Variants in KAT7 observed in about 807,000 individuals in gnomAD.
KAT7 encodes the protein lysine acetyltransferase 7.
A neutral mutation model predicts 82.1 loss-of-function variants in KAT7; 10 were observed. That is an observed-to-expected ratio of 0.12 (90% CI 0.08 to 0.21). KAT7 has a LOEUF of 0.21. Among genes scored for constraint, KAT7 ranks in the 10% least tolerant of loss-of-function variants. The probability of loss-of-function intolerance (pLI) is 1.00; values close to 1 mark genes in which losing one functional copy is unlikely to be tolerated. For synonymous variants in KAT7, 250 were observed against 262.5 expected, an observed-to-expected ratio of 0.95 and a Z score of 0.46; for missense variants, 378 against 760.9, an observed-to-expected ratio of 0.50 and a Z score of 5.92.
chr17:49,823,163 A>G, intron 11 of KAT7, 39 bp from the exon 12 acceptor site: 1 of 1,181,348 alleles, frequency 8.5e-7, no homozygotes, highest in Non-Finnish European at 1.3e-6. Context: ...TTGGTTTCAA[A>G]TCCTCATGAC....
intron 4 of KAT7, 41 bp downstream of exon 4, chr17:49,798,599 T>G: frequency 1.3e-6 from 2 of 1,556,528 alleles, no homozygotes; most frequent in Non-Finnish European, 1.7e-6. Flanking sequence ...TGTTCTGTGG[T>G]TCTCTCTCCC....
intron 1 of KAT7, among the ~76,000 whole-genome samples, chr17:49,791,251 C>T (rs184525023): frequency 4.6e-5 from 7 of 152,346 alleles, no homozygotes; most frequent in Admixed American, 3.3e-4. Context: ...AAAAGCTACT[C>T]TAAGTTAAAT....
chr17:49,796,448 C>T (rs951839594), intron 2 of KAT7, among the ~76,000 whole-genome samples: 2 of 152,168 alleles, frequency 1.3e-5, no homozygotes, highest in African/African-American at 4.8e-5. Flanking sequence ...GGTCAGGAAA[C>T]AGGCTTGGAG....
At chr17:49,814,656 G>A (rs567151561) in intron 7 of KAT7, among the ~76,000 whole-genome samples, 1 of 151,716 alleles carries the variant, frequency 6.6e-6, no homozygotes, top group East Asian at 1.9e-4. Flanking sequence ...AGTAATTTGG[G>A]ATAGGTTATT....
intron 5 of KAT7, among the ~76,000 whole-genome samples, chr17:49,805,734 T>G (rs2074083534): frequency 6.6e-6 from 1 of 152,262 alleles, no homozygotes; most frequent in Non-Finnish European, 1.5e-5. Flanking sequence ...AAAATTGGCT[T>G]CGAAGACTGC....
chr17:49,817,763 T>C, intron 8 of KAT7, 57 bp from the exon 9 acceptor site: 1 of 1,470,174 alleles, frequency 6.8e-7, no homozygotes, highest in Non-Finnish European at 9.4e-7. Flanking sequence ...GTGCCCTGTC[T>C]AAAAGCAAAG....
At chr17:49,797,341 G>A (rs930133716) in intron 3 of KAT7, among the ~76,000 whole-genome samples, 1 of 152,160 alleles carries the variant, frequency 6.6e-6, no homozygotes, top group Admixed American at 6.5e-5. Flanking sequence ...GGGATTACAG[G>A]TATAAGCCAC....
rs537711587 is a variant in KAT7 at position 49,813,336 on chromosome 17, C to T, written c.852+1762C>T. Among the ~76,000 whole-genome samples the T allele has an allele frequency of 6.2e-4, 95 of 152,140 alleles. 1 individual carries two copies. In the South Asian group the frequency reaches 0.017, roughly 28 times the overall value. ...TAATGGCCTCCAGTTGCATCCATGTCGCTGCAAAGGACATGATTTCATTCT... is the reference window on the plus strand; with the variant it reads ...TAATGGCCTCCAGTTGCATCCATGTTGCTGCAAAGGACATGATTTCATTCT... On this transcript the variant is annotated intron_variant, in intron 7 of 14. Transcript: ENST00000259021.
chr17:49,802,572 A>G (rs947533576), intron 4 of KAT7, among the ~76,000 whole-genome samples: 3 of 151,880 alleles, frequency 2.0e-5, no homozygotes, highest in African/African-American at 7.3e-5. Context: ...AGGCTGAGGC[A>G]GGAGAATTGC....
Position 49,805,459 on chromosome 17 carries a change from C to A in KAT7, c.663+14C>A. The A allele has an allele frequency of 6.3e-7, 1 of 1,586,854 alleles. No homozygotes were observed. The highest frequency in any genetic ancestry group is 8.7e-7 in the Non-Finnish European group (1 of 1,155,632). On this transcript the variant is annotated intron_variant, in intron 5 of 14. Coordinates refer to ENST00000259021, the MANE Select transcript of KAT7 (RefSeq NM_007067.5). ...GACGAATGCAAGGTAATTGTGCTCT[C>A]ATTTATTCAACACATGCTTATTGAG... is the stretch of plus-strand genomic sequence containing the variant.
At chr17:49,813,576 C>T (rs1026598211) in intron 7 of KAT7, among the ~76,000 whole-genome samples, 1 of 152,060 alleles carries the variant, frequency 6.6e-6, no homozygotes, top group Non-Finnish European at 1.5e-5. Flanking sequence ...CAACCAACCA[C>T]GGATCGGAAA....
intron 11 of KAT7, 111 bp from the exon 12 acceptor site, chr17:49,823,091 G>A: frequency 1.5e-6 from 1 of 672,424 alleles, no homozygotes; most frequent in East Asian, 2.6e-5. Flanking sequence ...CACTCCTTGG[G>A]ACTGGTTAGC....
At chr17:49,809,283 A>G in intron 6 of KAT7, 75 bp downstream of exon 6, 1 of 1,064,132 alleles carries the variant, frequency 9.4e-7, no homozygotes. Flanking sequence ...AATTGTCTTC[A>G]GGCATGTCTG....
intron 7 of KAT7, among the ~76,000 whole-genome samples, chr17:49,812,350 G>A (rs1033635306): frequency 4.9e-5 from 7 of 143,784 alleles, no homozygotes; most frequent in Admixed American, 2.2e-4. Flanking sequence ...TCAGCCTCCC[G>A]AGTAGCTAGG....
At position 49,827,486 on chromosome 17, in the gene KAT7, C is replaced by T. The variant is rs1212796838; in HGVS notation, c.1820C>T (p.Pro607Leu). ...TMDPSCLKWTPPKGT is the reference protein window; with the variant it reads ...TMDPSCLKWTLPKGT ...GATCCCAGCTGCTTAAAATGGACCC[C>T]TCCCAAGGGCACTTAAAGTGACCTG... is the stretch of plus-strand genomic sequence containing the variant. The change falls in exon 15 of 15, where the codon CCT (proline) becomes CTT (leucine). Residue 607 changes from proline (P) to leucine (L), a missense_variant. Physicochemically the swap from Pro to Leu is moderately conservative, Grantham distance 98. This residue lies in a region of KAT7 where 44 missense variants were observed against 102.2 expected (regional missense o/e 0.43). Transcript: ENST00000259021. 6.2e-7 allele frequency: 1 copy of T among 1,610,534 alleles called. No individual in the cohort carries two copies. Among genetic ancestry groups the T allele is most frequent in the Non-Finnish European group, 8.5e-7 (1 of 1,176,902 alleles).
chr17:49,794,133 C>G (rs1340626659), intron 2 of KAT7, among the ~76,000 whole-genome samples: 1 of 152,030 alleles, frequency 6.6e-6, no homozygotes, highest in African/African-American at 2.4e-5. Flanking sequence ...AGTTCCTGTC[C>G]TCAAAGATCT....
intron 2 of KAT7, among the ~76,000 whole-genome samples, chr17:49,796,151 C>T (rs1019509063): frequency 2.6e-5 from 4 of 152,098 alleles, no homozygotes; most frequent in African/African-American, 9.7e-5. Context: ...ATGCTGCATT[C>T]CTGCTTTACC....
intron 9 of KAT7, 48 bp from the exon 10 acceptor site, chr17:49,821,289 C>T: frequency 7.1e-7 from 1 of 1,415,068 alleles, no homozygotes; most frequent in South Asian, 1.2e-5. Flanking sequence ...GAGGAGCAGT[C>T]TTGTTGGGAG....
chr17:49,812,987 C>T (rs1434665134), intron 7 of KAT7, among the ~76,000 whole-genome samples: 3 of 150,704 alleles, frequency 2.0e-5, no homozygotes, highest in Admixed American at 1.3e-4. Flanking sequence ...AGGCATGAGC[C>T]ACTGCACCCA....
Sources: allele counts gnomAD v4.1 joint callset (sites outside exome capture counted in the v4.1 genomes callset), GRCh38; gene constraint gnomAD v4.1.1; regional missense constraint gnomAD v4.1.1; transcripts MANE v1.5; gene names NCBI Gene and HGNC (gene_info 2026-07-23, HGNC 2026-07-21).